NAALADL2: variants seen among roughly 807,000 people sequenced by gnomAD.
NAALADL2 encodes inactive N-acetylated-alpha-linked acidic dipeptidase-like protein 2.
Under a neutral mutation model 87.2 loss-of-function variants are expected in NAALADL2, and 76 were observed. The ratio of observed to expected loss-of-function variants is 0.87; its 90% CI spans 0.72 to 1.05. The LOEUF is 1.05. Ranked by LOEUF, NAALADL2 falls within the 50% of genes least tolerant of loss-of-function variation. NAALADL2 has a pLI of 0.00. For missense variants in NAALADL2, 1,089 were observed against 945.8 expected (o/e 1.15, Z -1.99); for synonymous variants, 354 against 331.0 (o/e 1.07, Z -0.75).
intron 11 of NAALADL2, among the ~76,000 whole-genome samples, chr3:175,678,724 T>TG (rs1735179474): frequency 6.6e-6 from 1 of 151,110 alleles, no homozygotes; most frequent in Non-Finnish European, 1.5e-5. Flanking sequence ...GGGCCTGTCG[T>TG]GGGGTGGGGG....
Position 174,902,533 on chromosome 3 carries a change from T to C in NAALADL2, c.43+43083T>C, listed in dbSNP as rs1385747002. 2.6e-5 allele frequency among the ~76,000 whole-genome samples: 4 copies of C among 152,120 alleles called. No individual in the cohort carries two copies. The South Asian group carries it at 8.3e-4, about 32-fold the overall frequency. ...AAAGACAATCGCGTGATTAAAGATGTACATGAAAGAATATGAGAACCAAAA... is the reference window on the plus strand; with the variant it reads ...AAAGACAATCGCGTGATTAAAGATGCACATGAAAGAATATGAGAACCAAAA... On this transcript the variant is annotated intron_variant, in intron 1 of 13. Transcript: ENST00000454872.
intron 11 of NAALADL2, among the ~76,000 whole-genome samples, chr3:175,698,723 C>T (rs1473914731): frequency 2.0e-5 from 3 of 151,542 alleles, no homozygotes; most frequent in Non-Finnish European, 4.4e-5. Context: ...AAGTTAAAGA[C>T]ATTATAACCA....
chr3:175,130,326 A>G (rs1727632533), intron 2 of NAALADL2, among the ~76,000 whole-genome samples: 1 of 151,984 alleles, frequency 6.6e-6, no homozygotes, highest in Non-Finnish European at 1.5e-5. Context: ...TTTCCTTGCT[A>G]TGAAGAAACT....
At chr3:175,169,992 T>TG (rs1734564914) in intron 2 of NAALADL2, among the ~76,000 whole-genome samples, 2 of 151,838 alleles carry the variant, frequency 1.3e-5, no homozygotes, top group African/African-American at 4.8e-5. Flanking sequence ...ACAACCTGTT[T>TG]GGGTTGCACT....
chr3:175,492,699 T>C (rs1395070383), intron 9 of NAALADL2, among the ~76,000 whole-genome samples: 1 of 152,180 alleles, frequency 6.6e-6, no homozygotes, highest in Non-Finnish European at 1.5e-5. Context: ...CATATACAAA[T>C]GTAAATTATA....
chr3:174,703,043 GTC>G (rs575514418), intron 2 of NAALADL2, among the ~76,000 whole-genome samples: 13 of 152,302 alleles, frequency 8.5e-5, no homozygotes, highest in African/African-American at 2.9e-4. Context: ...TTAAAAGTAA[GTC>G]TCTATCAATA....
intron 1 of NAALADL2, among the ~76,000 whole-genome samples, chr3:174,898,112 C>CAAGAAAAAAAAA (rs1731813402): frequency 6.9e-5 from 1 of 14,498 alleles, no homozygotes; most frequent in Non-Finnish European, 1.2e-4. Context: ...GACTCCGTCT[C>CAAGAAAAAAAAA]AAAAAAAAAA....
intron 5 of NAALADL2, among the ~76,000 whole-genome samples, chr3:175,382,138 A>G (rs1767856177): frequency 6.6e-6 from 1 of 152,192 alleles, no homozygotes; most frequent in Non-Finnish European, 1.5e-5. Flanking sequence ...ACCTTCCAGG[A>G]TAAAAGCATA....
At chr3:175,018,794 A>G (rs1312852847) in intron 1 of NAALADL2, among the ~76,000 whole-genome samples, 2 of 152,076 alleles carry the variant, frequency 1.3e-5, no homozygotes, top group Non-Finnish European at 1.5e-5. Flanking sequence ...CAAAGTTTAC[A>G]TAGTGCCTCC....
chr3:174,611,526 A>G (rs1461519736), intron 2 of NAALADL2, among the ~76,000 whole-genome samples: 1 of 152,096 alleles, frequency 6.6e-6, no homozygotes, highest in Non-Finnish European at 1.5e-5. Flanking sequence ...CAGTGTTACA[A>G]TAATCTGGTT....
chr3:174,836,934 A>G (rs1214095600), intron 3 of NAALADL2, among the ~76,000 whole-genome samples: 1 of 152,222 alleles, frequency 6.6e-6, no homozygotes, highest in East Asian at 1.9e-4. Flanking sequence ...ACAAATATGT[A>G]TTACATAAGA....
intron 1 of NAALADL2, among the ~76,000 whole-genome samples, chr3:174,926,918 A>G (rs1330584705): frequency 6.6e-6 from 1 of 151,948 alleles, no homozygotes; most frequent in African/African-American, 2.4e-5. Context: ...GGCAAATTGG[A>G]TAAAGAGTCA....
chr3:174,858,123 A>G (rs978731850), upstream of NAALADL2, among the ~76,000 whole-genome samples: 14 of 148,134 alleles, frequency 9.5e-5, no homozygotes, highest in African/African-American at 3.4e-4. Context: ...AAATGTTTTT[A>G]TATATTATAT....
At chr3:175,529,963 G>T (rs941061439) in intron 9 of NAALADL2, among the ~76,000 whole-genome samples, 1 of 152,166 alleles carries the variant, frequency 6.6e-6, no homozygotes, top group African/African-American at 2.4e-5. Flanking sequence ...ATCACCCCGA[G>T]GAATGGTGCC....
At chr3:175,711,478 T>C (rs1740523364) in intron 11 of NAALADL2, among the ~76,000 whole-genome samples, 1 of 151,908 alleles carries the variant, frequency 6.6e-6, no homozygotes, top group African/African-American at 2.4e-5. Context: ...TATGTCTTAA[T>C]CAGTCTGATT....
intron 11 of NAALADL2, among the ~76,000 whole-genome samples, chr3:175,723,505 G>A (rs1042070361): frequency 1.2e-4 from 18 of 152,066 alleles, no homozygotes; most frequent in African/African-American, 4.3e-4. Context: ...CCAATTGCTA[G>A]ATGAAATTAA....
chr3:174,736,263 C>T (rs916732238), intron 2 of NAALADL2, among the ~76,000 whole-genome samples: 17 of 152,150 alleles, frequency 1.1e-4, no homozygotes, highest in African/African-American at 4.1e-4. Context: ...TGTTTCGGCC[C>T]TGTTAGTGTT....
chr3:174,543,697 G>T lies in NAALADL2; in HGVS notation c.-183-6872G>T, dbSNP rs960459115. 1.2e-4 allele frequency among the ~76,000 whole-genome samples: 19 copies of T among 152,020 alleles called. No homozygotes were observed. The East Asian group carries it at 3.1e-3, about 25-fold the overall frequency. On this transcript the variant is annotated intron_variant, in intron 1 of 3. Transcript: ENST00000434257. ...AATCATGATTTTATGGAAGTATTATGTAAGCATAATTTAAAAGTCACATAG... is the reference window on the plus strand; with the variant it reads ...AATCATGATTTTATGGAAGTATTATTTAAGCATAATTTAAAAGTCACATAG...
At chr3:175,795,518 C>CAA (rs35800749) in intron 13 of NAALADL2, among the ~76,000 whole-genome samples, 5,164 of 132,278 alleles carry the variant, frequency 0.039, 224 homozygotes, top group African/African-American at 0.11. Flanking sequence ...CTAAAAAATA[C>CAA]AAAAAAAAAA....
Sources: gnomAD v4.1 joint callset for allele counts (sites outside exome capture counted in the v4.1 genomes callset) on GRCh38, gnomAD v4.1.1 for gene constraint, MANE v1.5 for transcripts, NCBI Gene and HGNC (gene_info 2026-07-23, HGNC 2026-07-21) for gene names.